The following ADGRL3 variants were observed in gnomAD, a reference collection of about 807,000 sequenced individuals.
The protein encoded by ADGRL3 is adhesion G protein-coupled receptor L3.
A neutral mutation model predicts 153.5 loss-of-function variants in ADGRL3; 62 were observed. The ratio of observed to expected loss-of-function variants is 0.40; its 90% CI spans 0.33 to 0.50. The LOEUF (loss-of-function observed/expected upper bound fraction) is 0.50, where lower values mean the gene tolerates loss of function less well. Among genes scored for constraint, ADGRL3 ranks in the 20% least tolerant of loss-of-function variants. The pLI is 0.47. For missense variants in ADGRL3, 1,641 were observed against 1,859.4 expected (o/e 0.88, Z 2.16); for synonymous variants, 710 against 672.5 (o/e 1.06, Z -0.86).
intron 5 of ADGRL3, among the ~76,000 whole-genome samples, chr4:61,663,756 G>C (rs1340178815): frequency 1.3e-5 from 2 of 152,048 alleles, no homozygotes; most frequent in Non-Finnish European, 2.9e-5. Context: ...TTAAAACATT[G>C]GTGGTTTTCT....
intron 17 of ADGRL3, among the ~76,000 whole-genome samples, chr4:61,965,943 GTTAA>G (rs1281554463): frequency 1.3e-5 from 2 of 152,128 alleles, no homozygotes; most frequent in East Asian, 1.9e-4. Flanking sequence ...CTTTTAAGAT[GTTAA>G]TTGTTTTTTG....
At chr4:61,288,123 C>A (rs922363380) in intron 1 of ADGRL3, among the ~76,000 whole-genome samples, 2 of 151,906 alleles carry the variant, frequency 1.3e-5, no homozygotes, top group Non-Finnish European at 1.5e-5. Flanking sequence ...GGGAGAGGGG[C>A]ATTTTCACTG....
At chr4:61,277,676 C>T (rs1458900893) in intron 1 of ADGRL3, among the ~76,000 whole-genome samples, 2 of 152,014 alleles carry the variant, frequency 1.3e-5, no homozygotes, top group Admixed American at 6.6e-5. Flanking sequence ...TTGTTCAGAA[C>T]AATTTACTTA....
chr4:61,572,387 C>T (rs893528698), intron 4 of ADGRL3, among the ~76,000 whole-genome samples: 1 of 152,072 alleles, frequency 6.6e-6, no homozygotes, highest in African/African-American at 2.4e-5. Flanking sequence ...CCACAATTCA[C>T]TCAACTTGTC....
intron 8 of ADGRL3, among the ~76,000 whole-genome samples, chr4:61,736,017 GA>G (rs2096505550): frequency 6.6e-6 from 1 of 151,932 alleles, no homozygotes; most frequent in African/African-American, 2.4e-5. Flanking sequence ...ATAAACATAT[GA>G]ATATACTCAT....
At chr4:61,310,982 A>G (rs2094979447) in intron 1 of ADGRL3, among the ~76,000 whole-genome samples, 1 of 151,900 alleles carries the variant, frequency 6.6e-6, no homozygotes. Flanking sequence ...TTTGATAGGG[A>G]AAAAAATGGA....
chr4:61,626,158 T>A (rs2092817386), intron 5 of ADGRL3, among the ~76,000 whole-genome samples: 1 of 152,046 alleles, frequency 6.6e-6, no homozygotes, highest in Admixed American at 6.6e-5. Flanking sequence ...CTTTTTCATG[T>A]GATTTAAGGA....
Position 62,032,271 on chromosome 4 carries a change from A to AAT in ADGRL3, c.3591+673_3591+674dup, listed in dbSNP as rs775323366. 1.1e-3 allele frequency among the ~76,000 whole-genome samples: 165 copies of AAT among 151,046 alleles called. 1 individual carries two copies. Among genetic ancestry groups the AAT allele is most frequent in the Middle Eastern group, 6.8e-3 (2 of 294 alleles). On this transcript the variant is annotated intron_variant, in intron 23 of 26. Transcript: ENST00000683033. The stretch of plus-strand genomic sequence containing the variant: ...CAAATGTTTACATTTGTAAGGACAT[A>AAT]ATATATATATATAAATTTTCAAAGT...
intron 8 of ADGRL3, among the ~76,000 whole-genome samples, chr4:61,782,208 A>G (rs1158439045): frequency 2.0e-5 from 3 of 152,168 alleles, no homozygotes; most frequent in Non-Finnish European, 4.4e-5. Flanking sequence ...TTTAATGTGC[A>G]CAGCTTATTC....
At chr4:61,617,564 AG>A (rs1451138999) in intron 5 of ADGRL3, among the ~76,000 whole-genome samples, 1 of 152,162 alleles carries the variant, frequency 6.6e-6, no homozygotes, top group Non-Finnish European at 1.5e-5. Flanking sequence ...GTTTCCTGTA[AG>A]AAAAACACCT....
chr4:61,284,034 C>A (rs770998876), intron 1 of ADGRL3, among the ~76,000 whole-genome samples: 1 of 151,924 alleles, frequency 6.6e-6, no homozygotes, highest in Non-Finnish European at 1.5e-5. Context: ...AACCAAGTAC[C>A]TAATGGATCC....
At chr4:61,872,670 A>G (rs1453606004) in intron 9 of ADGRL3, among the ~76,000 whole-genome samples, 2 of 150,902 alleles carry the variant, frequency 1.3e-5, no homozygotes, top group African/African-American at 4.9e-5. Context: ...AAAAAAAAAG[A>G]AAGAAGAAAT....
intron 2 of ADGRL3, among the ~76,000 whole-genome samples, chr4:61,455,098 A>C (rs1474568778): frequency 6.6e-6 from 1 of 152,102 alleles, no homozygotes; most frequent in Non-Finnish European, 1.5e-5. Context: ...CCTTTTTTGG[A>C]CCTAAATCTA....
At chr4:61,654,390 T>C (rs2094377273) in intron 5 of ADGRL3, among the ~76,000 whole-genome samples, 1 of 152,090 alleles carries the variant, frequency 6.6e-6, no homozygotes, top group South Asian at 2.1e-4. Context: ...TTCTTTTTAC[T>C]CATTATTAAC....
chr4:61,277,890 A>G (rs2093547357), intron 1 of ADGRL3, among the ~76,000 whole-genome samples: 1 of 152,190 alleles, frequency 6.6e-6, no homozygotes, highest in African/African-American at 2.4e-5. Context: ...TGGCCACTTA[A>G]CTGGCATATA....
intron 9 of ADGRL3, among the ~76,000 whole-genome samples, chr4:61,825,728 G>C (rs1237777756): frequency 6.6e-6 from 1 of 152,056 alleles, no homozygotes; most frequent in Admixed American, 6.6e-5. Flanking sequence ...GTTAAATTCT[G>C]AAATTATAGG....
chr4:61,757,159 C>G lies in ADGRL3; in HGVS notation c.1399+23605C>G, dbSNP rs1342916590. 5.9e-5 allele frequency among the ~76,000 whole-genome samples: 9 copies of G among 152,162 alleles called. 1 individual carries two copies. Among genetic ancestry groups the G allele is most frequent in the Non-Finnish European group, 1.0e-4 (7 of 68,038 alleles). ...TAAAATGAGTTAGGGAAGATTCCCT[C>G]TTTTTGTATTGATTGGAATAGTTTC... is the stretch of plus-strand genomic sequence containing the variant. On this transcript the variant is annotated intron_variant, in intron 8 of 26. Coordinates refer to ENST00000683033, the MANE Select transcript of ADGRL3 (RefSeq NM_001387552.1).
chr4:61,281,719 T>G (rs966875298), intron 1 of ADGRL3, among the ~76,000 whole-genome samples: 6 of 152,168 alleles, frequency 3.9e-5, no homozygotes, highest in Admixed American at 1.3e-4. Flanking sequence ...TTAGCTGGCC[T>G]TGACTGAGCA....
At chr4:62,065,170 A>G (rs575753356) in intron 25 of ADGRL3, among the ~76,000 whole-genome samples, 2 of 152,164 alleles carry the variant, frequency 1.3e-5, no homozygotes, top group East Asian at 3.9e-4. Context: ...CTTTAGAGCA[A>G]AGAAGAGCAA....
Sources: allele counts gnomAD v4.1 joint callset (sites outside exome capture counted in the v4.1 genomes callset), GRCh38; gene constraint gnomAD v4.1.1; transcripts MANE v1.5; gene names NCBI Gene and HGNC (gene_info 2026-07-23, HGNC 2026-07-21).